Variants in VIPR2 observed in about 807,000 individuals in gnomAD.
VIPR2 encodes vasoactive intestinal peptide receptor 2, also known as vasoactive intestinal polypeptide receptor 2.
In VIPR2, 48 loss-of-function variants were observed where a neutral mutation model predicts 58.0. The observed-to-expected ratio is 0.83, with a 90% CI of 0.66 to 1.05. The LOEUF (loss-of-function observed/expected upper bound fraction) is 1.05, where lower values mean the gene tolerates loss of function less well. Ranked by LOEUF, VIPR2 falls within the 50% of genes least tolerant of loss-of-function variation. The pLI, the probability that VIPR2 is intolerant of heterozygous loss-of-function variation, is 0.00. For missense variants in VIPR2, 534 were observed against 558.0 expected (o/e 0.96, Z 0.43); for synonymous variants, 243 against 235.2 (o/e 1.03, Z -0.30).
chr7:159,043,405 TGAA>T (rs1854464670), intron 5 of VIPR2, among the ~76,000 whole-genome samples: 1 of 152,148 alleles, frequency 6.6e-6, no homozygotes. Flanking sequence ...GTAGATGAGA[TGAA>T]GAAACGTTTT....
Position 159,039,212 on chromosome 7 carries a change from A to G in VIPR2, c.598-2310T>C, listed in dbSNP as rs375378889. 2.9e-4 allele frequency among the ~76,000 whole-genome samples: 44 copies of G among 152,342 alleles called. No homozygotes were observed. The South Asian group carries it at 7.7e-3, about 27-fold the overall frequency. On this transcript the variant is annotated intron_variant, in intron 6 of 12. Coordinates refer to ENST00000262178, the MANE Select transcript of VIPR2 (RefSeq NM_003382.5). ...AGTGGCTCACACCTGTAATCCCAGC[A>G]CTTTGGGAGGCCAAGGCGGGGGGAT...
At position 159,106,756 on chromosome 7, in the gene VIPR2, T is replaced by C. The variant is rs1407134958; in HGVS notation, c.260-2902A>G. The stretch of plus-strand genomic sequence containing the variant: ...AGGCCAGGGAGGGGCAGAGAGAGGC[T>C]GGGTAGGGGCAGAGAGGCCGGGGAG... On this transcript the variant is annotated intron_variant, in intron 3 of 12. Transcript: ENST00000262178. Among the ~76,000 whole-genome samples the C allele has an allele frequency of 5.4e-3, 159 of 29,324 alleles. 7 individuals are homozygous for C. The highest frequency in any genetic ancestry group is 0.025 in the African/African-American group (144 of 5,660). The allele number at this position is 29,324 out of a possible 152,430, so 19.2% of individuals were successfully genotyped here.
In VIPR2 at chr7:159,031,844, C is replaced by G; in HGVS notation, c.1127G>C (p.Cys376Ser). The change falls in exon 12 of 13, where the codon TGT becomes TCT. Residue 376 changes from cysteine to serine, a missense_variant. Coordinates refer to ENST00000262178, the MANE Select transcript of VIPR2 (RefSeq NM_003382.5). The surrounding 1 kb of genome is among the most constrained non-coding windows in gnomAD (Gnocchi z 4.0). ...TGAACTTACCTCACTGTTCAGGAAA[C>G]AGTAGAGGACGGCCACCACCAGGCC... ...FQGLVVAVLY[C>S]FLNSEVQCEL... is the part of the protein sequence containing the mutation. The G allele has an allele frequency of 6.2e-7, 1 of 1,613,970 alleles. No homozygotes were observed. Among genetic ancestry groups the G allele is most frequent in the Non-Finnish European group, 8.5e-7 (1 of 1,180,010 alleles).
chr7:159,030,424 A>T lies in VIPR2; in HGVS notation c.*192T>A. The T allele has an allele frequency of 3.6e-6, 2 of 561,046 alleles. No individual in the cohort carries two copies. Among genetic ancestry groups the T allele is most frequent in the Non-Finnish European group, 5.8e-6 (2 of 343,744 alleles). 34.8% of individuals were successfully genotyped at this position (561,046 alleles called of 1,614,324 possible). ...CAAGATTATCTAAATGCTGGAGTTT[A>T]AATCGAGTCAATGACAACACGACTC... On this transcript the variant is annotated 3_prime_UTR_variant, in exon 13 of 13. Transcript: ENST00000262178.
intron 2 of VIPR2, among the ~76,000 whole-genome samples, chr7:159,113,159 G>A (rs928576648): frequency 1.4e-4 from 21 of 152,196 alleles, no homozygotes; most frequent in African/African-American, 5.1e-4. Context: ...CAGCGCCTAG[G>A]AACCAGACCC....
intron 9 of VIPR2, 52 bp downstream of exon 9, chr7:159,034,529 G>A: frequency 1.9e-6 from 3 of 1,552,238 alleles, no homozygotes; most frequent in Non-Finnish European, 2.7e-6. Flanking sequence ...CTTGCTGTCT[G>A]CCCAAGTGTG....
intron 5 of VIPR2, among the ~76,000 whole-genome samples, chr7:159,054,055 G>C (rs1474384468): frequency 6.6e-6 from 1 of 152,168 alleles, no homozygotes; most frequent in Non-Finnish European, 1.5e-5. Flanking sequence ...AGCAGAACCG[G>C]GACTCGAGGC....
intron 4 of VIPR2, among the ~76,000 whole-genome samples, chr7:159,075,554 G>T (rs1235412042): frequency 6.6e-6 from 1 of 152,170 alleles, no homozygotes; most frequent in Admixed American, 6.5e-5. Context: ...CCAGTGAGGA[G>T]CCCAGGGCTG....
chr7:159,135,143 C>T (rs1381446373), intron 2 of VIPR2, among the ~76,000 whole-genome samples: 1 of 149,218 alleles, frequency 6.7e-6, no homozygotes, highest in Admixed American at 6.8e-5. Context: ...GAGTCTTTAA[C>T]ATTAAAAAAG....
rs902605731 is a variant in VIPR2, at chr7:159,028,931, G to A, written c.*1685C>T. ...GTCCAGGGATGAGCTTGTTGCAGCAGAGGGGTGTGGCCGGCGTGGCCCAGG... is the reference window on the plus strand; with the variant it reads ...GTCCAGGGATGAGCTTGTTGCAGCAAAGGGGTGTGGCCGGCGTGGCCCAGG... On this transcript the variant is annotated 3_prime_UTR_variant, in exon 13 of 13. Transcript: ENST00000262178. The A allele has an allele frequency of 6.5e-6, 1 of 152,848 alleles. No homozygotes were observed. The highest frequency in any genetic ancestry group is 6.5e-5 in the Admixed American group (1 of 15,296). The allele number at this position is 152,848 out of a possible 1,614,324, so 9.5% of individuals were successfully genotyped here. A position where few individuals can be genotyped will look rare whatever the true frequency, so the allele number is the denominator to read the frequency against.
rs1186277369 is a variant in VIPR2, at chr7:159,099,483, C to T, written c.357+4274G>A. ...GGGCTGACATTGCCACAGCAGGCGG[C>T]GGCTGTCACTGCCTCCCAGATCCAC... is the stretch of plus-strand genomic sequence containing the variant. On this transcript the variant is annotated intron_variant, in intron 4 of 12. Coordinates refer to ENST00000262178, the MANE Select transcript of VIPR2 (RefSeq NM_003382.5). The surrounding 1 kb of genome is among the most constrained non-coding windows in gnomAD (Gnocchi z 4.2). Among the ~76,000 whole-genome samples the T allele has an allele frequency of 2.0e-5, 3 of 152,156 alleles. No homozygotes were observed. The highest frequency in any genetic ancestry group is 2.9e-5 in the Non-Finnish European group (2 of 68,044).
chr7:159,034,165 C>T lies in VIPR2; in HGVS notation c.971+48G>A. 1.9e-6 allele frequency: 3 copies of T among 1,593,270 alleles called. No homozygotes were observed. In the South Asian group the frequency reaches 3.3e-5, roughly 18 times the overall value. On this transcript the variant is annotated intron_variant, in intron 10 of 12. Transcript: ENST00000262178. ...CTGGCAGCGTGGGGGTCTCCTGTCT[C>T]CACACGGCATCCCCATCAGGGACGG... is the stretch of plus-strand genomic sequence containing the variant.
intron 2 of VIPR2, among the ~76,000 whole-genome samples, chr7:159,138,460 C>A (rs1003620651): frequency 1.1e-4 from 17 of 152,106 alleles, no homozygotes; most frequent in Non-Finnish European, 2.1e-4. Context: ...TTATTCCCAC[C>A]AACAAAACGG....
chr7:159,144,788 C>T lies in VIPR2; in HGVS notation c.-17G>A. Reference sequence around the variant, plus strand: ...CGTCCGCATCCCGAGCTCAGCGTGCCGGGGGCCGCCCAGCGCCCGCCGCCT... The same window carrying T: ...CGTCCGCATCCCGAGCTCAGCGTGCTGGGGGCCGCCCAGCGCCCGCCGCCT... On this transcript the variant is annotated 5_prime_UTR_variant, in exon 1 of 13. Coordinates refer to ENST00000262178, the MANE Select transcript of VIPR2 (RefSeq NM_003382.5). 8.0e-7 allele frequency: 1 copy of T among 1,244,384 alleles called. No individual in the cohort carries two copies. Among genetic ancestry groups the T allele is most frequent in the Non-Finnish European group, 1.0e-6 (1 of 995,670 alleles). 77.1% of individuals were successfully genotyped at this position (1,244,384 alleles called of 1,614,324 possible).
chr7:159,101,597 G>A (rs1323426590), intron 4 of VIPR2, among the ~76,000 whole-genome samples: 4 of 120,478 alleles, frequency 3.3e-5, no homozygotes, highest in Admixed American at 1.7e-4. Flanking sequence ...CCGACGAGGC[G>A]GTTCCGACCG....
At chr7:159,122,838 C>CT (rs956412222) in intron 2 of VIPR2, among the ~76,000 whole-genome samples, 13 of 152,084 alleles carry the variant, frequency 8.5e-5, no homozygotes, top group South Asian at 6.2e-4. Context: ...GTGGGAAAAT[C>CT]TTTTTTTTAA....
chr7:159,052,265 T>G (rs1855056994), intron 5 of VIPR2, among the ~76,000 whole-genome samples: 2 of 152,184 alleles, frequency 1.3e-5, no homozygotes, highest in African/African-American at 2.4e-5. Flanking sequence ...TCTGTATAGA[T>G]CTTACATACA....
chr7:159,065,831 G>C (rs1157006363), intron 4 of VIPR2, among the ~76,000 whole-genome samples: 1 of 152,226 alleles, frequency 6.6e-6, no homozygotes, highest in Non-Finnish European at 1.5e-5. Flanking sequence ...CTCGACCACA[G>C]TGTCCACTAC....
intron 4 of VIPR2, among the ~76,000 whole-genome samples, chr7:159,068,512 C>A (rs1164729797): frequency 2.6e-5 from 4 of 152,198 alleles, no homozygotes; most frequent in Non-Finnish European, 5.9e-5. Flanking sequence ...TGTTCCACAG[C>A]GTGTGTGTTT....
Sources: allele counts gnomAD v4.1 joint callset (sites outside exome capture counted in the v4.1 genomes callset), GRCh38; gene constraint gnomAD v4.1.1; non-coding constraint Gnocchi (gnomAD v3.1); transcripts MANE v1.5; gene names NCBI Gene and HGNC (gene_info 2026-07-23, HGNC 2026-07-21).